Variants in STIL observed in about 807,000 individuals in gnomAD.
STIL encodes the protein SCL-interrupting locus protein.
In STIL, 55 loss-of-function variants were observed where a neutral mutation model predicts 110.1. The observed-to-expected ratio is 0.50, with a 90% CI of 0.40 to 0.63. STIL has a LOEUF of 0.63. STIL is among the 20% of genes least tolerant of loss of function. The probability of loss-of-function intolerance (pLI) is 0.00; values close to 1 mark genes in which losing one functional copy is unlikely to be tolerated. For synonymous variants in STIL, 481 were observed against 530.0 expected (o/e 0.91, Z 1.27); for missense variants, 1,358 against 1,530.0 (o/e 0.89, Z 1.87).
rs573638230 is a variant in STIL at position 47,286,063 on chromosome 1, C to T, written c.1133+1488G>A. ...CTAATTTTTGTATTTTTAGTTGAGACGGGGTTTCACCATGTTGGCCAGGCT... is the reference window on the plus strand; with the variant it reads ...CTAATTTTTGTATTTTTAGTTGAGATGGGGTTTCACCATGTTGGCCAGGCT... On this transcript the variant is annotated intron_variant, in intron 10 of 16. Transcript: ENST00000371877. Among the ~76,000 whole-genome samples, 14 of 151,680 alleles carry T rather than the reference C, an allele frequency of 9.2e-5. No individual in the cohort carries two copies. The South Asian group carries it at 1.9e-3, about 20-fold the overall frequency.
At chr1:47,254,385 T>C (rs962880546) in intron 16 of STIL, among the ~76,000 whole-genome samples, 1 of 152,134 alleles carries the variant, frequency 6.6e-6, no homozygotes, top group African/African-American at 2.4e-5. Flanking sequence ...CTTTTATTCA[T>C]AGTGACAATA....
At chr1:47,268,314 C>T (rs749574696) in intron 14 of STIL, among the ~76,000 whole-genome samples, 5 of 151,904 alleles carry the variant, frequency 3.3e-5, no homozygotes, top group Non-Finnish European at 5.9e-5. Flanking sequence ...GGCGTGGTGG[C>T]GCACGCCTGT....
At chr1:47,313,912 GTC>G (rs1370460760) in intron 1 of STIL, 122 bp downstream of exon 1, 1 of 152,306 alleles carries the variant, frequency 6.6e-6, no homozygotes, top group Non-Finnish European at 1.5e-5. Context: ...TCCCCTTCTC[GTC>G]ATCTGCTCCA....
Position 47,261,882 on chromosome 1 carries a change from A to C in STIL, c.2829+1021T>G, listed in dbSNP as rs137901687. ...AGCTGAGATCATGTCACTGCACTCT[A>C]GCCTGGGTGACAGAGACTCTGTCTC... On this transcript the variant is annotated intron_variant, in intron 15 of 16. Coordinates refer to ENST00000371877, the MANE Select transcript of STIL (RefSeq NM_001048166.1). 4.0e-3 allele frequency among the ~76,000 whole-genome samples: 602 copies of C among 151,642 alleles called. 3 individuals are homozygous for C. The highest frequency in any genetic ancestry group is 0.014 in the African/African-American group (577 of 41,334).
At chr1:47,259,013 G>GAC (rs1644402021) in intron 16 of STIL, among the ~76,000 whole-genome samples, 1 of 6,720 alleles carries the variant, frequency 1.5e-4, no homozygotes, top group Admixed American at 6.7e-4. Context: ...TTTTGAGACA[G>GAC]TCTTGCTTTG....
chr1:47,303,216 G>A (rs1421094247), intron 3 of STIL, among the ~76,000 whole-genome samples: 2 of 152,182 alleles, frequency 1.3e-5, no homozygotes, highest in East Asian at 3.8e-4. Flanking sequence ...TATTAACTAT[G>A]CATATATACT....
intron 7 of STIL, 124 bp downstream of exon 7, chr1:47,295,641 C>A (rs1423430594): frequency 4.3e-6 from 3 of 703,746 alleles, no homozygotes; most frequent in Non-Finnish European, 7.3e-6. Context: ...GAAAACCTGA[C>A]AACCACTTAT....
rs201969039 is a variant in STIL, at chr1:47,309,455, CA to C, written c.44+820del. Among the ~76,000 whole-genome samples, 792 of 152,026 alleles carry C rather than the reference CA, an allele frequency of 5.2e-3. 2 individuals are homozygous for C. The highest frequency in any genetic ancestry group is 0.03 in the East Asian group (156 of 5,166). ...CGACAAATTTTCAAATAAGAGATGG[CA>C]GGGGGGTAGAACACAAGGGCCAAAA... On this transcript the variant is annotated intron_variant, in intron 2 of 16. Transcript: ENST00000371877.
chr1:47,302,203 G>A lies in STIL; in HGVS notation c.265+31C>T, dbSNP rs768776864. 7.9e-6 allele frequency: 12 copies of A among 1,515,296 alleles called. No individual in the cohort carries two copies. The East Asian group carries it at 2.7e-4, about 34-fold the overall frequency. The allele number at this position is 1,515,296 out of a possible 1,614,324, so 93.9% of individuals were successfully genotyped here. A position where few individuals can be genotyped will look rare whatever the true frequency, so the allele number is the denominator to read the frequency against. ...CCCAACGTGCTGGGATTACAGGCGT[G>A]AGCACTGGTCCATTTTTAAAAGTGT... On this transcript the variant is annotated intron_variant, in intron 4 of 16. Coordinates refer to ENST00000371877, the MANE Select transcript of STIL (RefSeq NM_001048166.1).
In STIL at chr1:47,260,517, T is replaced by C; in HGVS notation, c.2852A>G (p.Asn951Ser). The change falls in exon 16 of 17, where the codon AAT (asparagine) becomes AGT (serine). Residue 951 changes from asparagine (N) to serine (S), a missense_variant. By Grantham distance (46) the Asn-to-Ser change is conservative. Coordinates refer to ENST00000371877, the MANE Select transcript of STIL (RefSeq NM_001048166.1). ...CTGCTCAGTTTCCTTGGAGGAACTA[T>C]TTAATAGGTGGTTTACTTGACCCTG... ...DLLGQVNHLL[N>S]SSSKETEQPS... 6.2e-7 allele frequency: 1 copy of C among 1,614,210 alleles called. No individual in the cohort carries two copies. The highest frequency in any genetic ancestry group is 8.5e-7 in the Non-Finnish European group (1 of 1,180,038).
At chr1:47,254,012 C>T (rs1644257894) in intron 16 of STIL, among the ~76,000 whole-genome samples, 2 of 151,832 alleles carry the variant, frequency 1.3e-5, no homozygotes, top group African/African-American at 4.8e-5. Context: ...AACCCCGTCT[C>T]TACTAAAAAT....
chr1:47,307,990 T>C (rs1316868051), intron 2 of STIL, among the ~76,000 whole-genome samples: 3 of 152,170 alleles, frequency 2.0e-5, no homozygotes, highest in African/African-American at 4.8e-5. Flanking sequence ...GTCAGACCGG[T>C]TGATCTGAAA....
intron 10 of STIL, among the ~76,000 whole-genome samples, chr1:47,284,825 G>T (rs989640579): frequency 6.6e-6 from 1 of 151,926 alleles, no homozygotes; most frequent in Non-Finnish European, 1.5e-5. Flanking sequence ...GCGAAGTGGA[G>T]GTTGCAGTGA....
chr1:47,298,649 A>G (rs1645709883), intron 6 of STIL, among the ~76,000 whole-genome samples: 1 of 152,158 alleles, frequency 6.6e-6, no homozygotes, highest in East Asian at 1.9e-4. Context: ...CCTAAAACCT[A>G]AATAAAATAC....
At chr1:47,275,781 T>C (rs1644974789) in intron 12 of STIL, among the ~76,000 whole-genome samples, 1 of 151,868 alleles carries the variant, frequency 6.6e-6, no homozygotes, top group African/African-American at 2.4e-5. Context: ...CGCAACACTA[T>C]GGCCAGTTAT....
rs1646085706 is a variant in STIL at position 47,310,319 on chromosome 1, T to TGATGTC, written c.-6_-1dup. 3 of 1,612,714 alleles carry TGATGTC rather than the reference T, an allele frequency of 1.9e-6. No homozygotes were observed. The highest frequency in any genetic ancestry group is 2.7e-5 in the African/African-American group (2 of 75,042). On this transcript the variant is annotated 5_prime_UTR_variant, in exon 2 of 17. Transcript: ENST00000371877. ...CGTGCAAAAGGATATATAGGCTCCA[T>TGATGTC]GATGTCTGGTGAATGATTTCTTTAA... is the stretch of plus-strand genomic sequence containing the variant.
chr1:47,252,556 CTA>C (rs1203787099), intron 16 of STIL, among the ~76,000 whole-genome samples: 5 of 152,060 alleles, frequency 3.3e-5, no homozygotes, highest in Non-Finnish European at 7.3e-5. Context: ...ATCAACATAG[CTA>C]TGAGTCATTT....
chr1:47,262,490 G>C (rs935431469), intron 15 of STIL, among the ~76,000 whole-genome samples: 1 of 151,988 alleles, frequency 6.6e-6, no homozygotes, highest in African/African-American at 2.4e-5. Context: ...TTATATTATC[G>C]ATTTCACTTA....
At position 47,301,719 on chromosome 1, in the gene STIL, G is replaced by T. The variant is rs1183021387; in HGVS notation, c.295C>A (p.Arg99Ser). 2 of 1,613,808 alleles carry T rather than the reference G, an allele frequency of 1.2e-6. No homozygotes were observed. The highest frequency in any genetic ancestry group is 1.7e-6 in the Non-Finnish European group (2 of 1,180,000). Residue 99 changes from arginine (R) to serine (S), a missense_variant, in exon 5 of 17, where the codon CGC becomes AGC. Arg to Ser is a moderately radical substitution (Grantham distance 110). Coordinates refer to ENST00000371877, the MANE Select transcript of STIL (RefSeq NM_001048166.1). ...GGTACTTCTCGACCAGGATCAAAGCGATCTACTGTCAATGTTACACCTTCT... is the reference window on the plus strand; with the variant it reads ...GGTACTTCTCGACCAGGATCAAAGCTATCTACTGTCAATGTTACACCTTCT... ...DEEGVTLTVD[R>S]FDPGREVPEC...
Sources: gnomAD v4.1 joint callset for allele counts (sites outside exome capture counted in the v4.1 genomes callset) on GRCh38, gnomAD v4.1.1 for gene constraint, MANE v1.5 for transcripts, NCBI Gene and HGNC (gene_info 2026-07-23, HGNC 2026-07-21) for gene names.